Variants in CTNNA2 observed in about 807,000 individuals in gnomAD.
CTNNA2 encodes the protein catenin alpha-2.
Under a neutral mutation model 101.0 loss-of-function variants are expected in CTNNA2, and 42 were observed. The observed-to-expected ratio is 0.42, with a 90% CI of 0.32 to 0.54. CTNNA2 has a LOEUF of 0.54. Among genes scored for constraint, CTNNA2 ranks in the 20% least tolerant of loss-of-function variants. The pLI is 0.14. For synonymous variants in CTNNA2, 450 were observed against 456.4 expected, an observed-to-expected ratio of 0.99 and a Z score of 0.18; for missense variants, 871 against 1,223.1, an observed-to-expected ratio of 0.71 and a Z score of 4.29.
chr2:79,497,768 G>A (rs1020130261), intron 4 of CTNNA2, among the ~76,000 whole-genome samples: 2 of 152,130 alleles, frequency 1.3e-5, no homozygotes, highest in Non-Finnish European at 2.9e-5. Context: ...TTTCGTCTAA[G>A]CAATGTCTCT....
chr2:80,167,182 C>T (rs529384087), intron 7 of CTNNA2, among the ~76,000 whole-genome samples: 7 of 152,186 alleles, frequency 4.6e-5, no homozygotes, highest in South Asian at 2.1e-4. Context: ...ACCAACCTAA[C>T]GCTGTATCTT....
At chr2:79,811,016 G>A (rs1045650340) in intron 3 of CTNNA2, among the ~76,000 whole-genome samples, 1 of 151,182 alleles carries the variant, frequency 6.6e-6, no homozygotes, top group African/African-American at 2.4e-5. Flanking sequence ...ATAGCAGCAT[G>A]ATTTATAATC....
In CTNNA2 at chr2:79,240,909, T is replaced by C. The variant is rs146148874; in HGVS notation, c.-406+42833T>C. 2.8e-3 allele frequency among the ~76,000 whole-genome samples: 426 copies of C among 152,286 alleles called. 2 individuals are homozygous for C. Among genetic ancestry groups the C allele is most frequent in the African/African-American group, 9.9e-3 (410 of 41,556 alleles). ...TTTATTTCTCCCCTGGTCATCTTCTTTGGGGACCCTGCCTCTGCTGTCCAC... is the reference window on the plus strand; with the variant it reads ...TTTATTTCTCCCCTGGTCATCTTCTCTGGGGACCCTGCCTCTGCTGTCCAC... On this transcript the variant is annotated intron_variant, in intron 2 of 21. Coordinates refer to the CTNNA2 transcript ENST00000466387.
chr2:79,232,387 C>T (rs548625709), intron 2 of CTNNA2, among the ~76,000 whole-genome samples: 13 of 152,136 alleles, frequency 8.5e-5, no homozygotes, highest in Admixed American at 2.6e-4. Context: ...TTGAACCAAC[C>T]TTGTATTCCT....
At chr2:80,590,621 A>G (rs750514351) in intron 15 of CTNNA2, among the ~76,000 whole-genome samples, 3 of 152,194 alleles carry the variant, frequency 2.0e-5, no homozygotes, top group Non-Finnish European at 4.4e-5. Context: ...ATAATTTAAT[A>G]TGGAACATCT....
At chr2:80,350,252 T>A (rs1673158773) in intron 7 of CTNNA2, among the ~76,000 whole-genome samples, 1 of 152,176 alleles carries the variant, frequency 6.6e-6, no homozygotes, top group South Asian at 2.1e-4. Context: ...ATGCCCATAG[T>A]GCCAACTGAG....
rs1260925583 is a variant in CTNNA2 at position 80,150,038 on chromosome 2, C to T, written c.1056+240241C>T. ...TCTTGTGCTGGTCATCCCCAGGCTC[C>T]AGAGGCCCTCTGCACATCTTCTCAG... is the stretch of plus-strand genomic sequence containing the variant. On this transcript the variant is annotated intron_variant, in intron 7 of 18. Transcript: ENST00000402739. 2.0e-5 allele frequency among the ~76,000 whole-genome samples: 3 copies of T among 152,178 alleles called. No homozygotes were observed. In the East Asian group the frequency reaches 5.8e-4, roughly 29 times the overall value.
intron 7 of CTNNA2, among the ~76,000 whole-genome samples, chr2:80,182,262 T>C (rs1279305995): frequency 6.6e-6 from 1 of 152,126 alleles, no homozygotes. Flanking sequence ...CTGAAGAACT[T>C]GGAGTCCAAT....
chr2:80,265,977 G>A (rs559785021), intron 7 of CTNNA2, among the ~76,000 whole-genome samples: 11 of 152,190 alleles, frequency 7.2e-5, no homozygotes, highest in East Asian at 5.8e-4. Context: ...TTAAACTGTC[G>A]GCAGAGTTTC....
chr2:80,502,833 G>A (rs1433116885), intron 9 of CTNNA2, among the ~76,000 whole-genome samples: 6 of 152,244 alleles, frequency 3.9e-5, no homozygotes, highest in Admixed American at 6.5e-5. Context: ...CCTTCTTCCC[G>A]AGTCATTCAT....
intron 3 of CTNNA2, among the ~76,000 whole-genome samples, chr2:79,315,150 T>C (rs776183331): frequency 6.6e-6 from 1 of 152,106 alleles, no homozygotes; most frequent in African/African-American, 2.4e-5. Context: ...CCTTCAATGG[T>C]GATTATGATT....
At chr2:79,580,254 A>G (rs960416300) in intron 1 of CTNNA2, among the ~76,000 whole-genome samples, 1 of 152,116 alleles carries the variant, frequency 6.6e-6, no homozygotes, top group African/African-American at 2.4e-5. Flanking sequence ...ACCTTTCCTT[A>G]TTGTGGTCAG....
chr2:79,312,787 C>T (rs978447857), exon 3 of CTNNA2: 1 of 152,166 alleles, frequency 6.6e-6, no homozygotes, highest in African/African-American at 2.4e-5. Context: ...ACAGCAATCT[C>T]ATCAAAAAGG....
intron 3 of CTNNA2, among the ~76,000 whole-genome samples, chr2:79,810,417 C>T (rs74763947): frequency 0.14 from 21,618 of 151,962 alleles, 1,586 homozygotes; most frequent in Admixed American, 0.19. Flanking sequence ...TCATTTATCT[C>T]CCCCTGGGTC....
At chr2:80,417,853 T>G (rs1380729463) in intron 8 of CTNNA2, among the ~76,000 whole-genome samples, 1 of 152,184 alleles carries the variant, frequency 6.6e-6, no homozygotes, top group Non-Finnish European at 1.5e-5. Context: ...TAATTTTAAG[T>G]TGCTCATTTT....
rs183379536 is a variant in CTNNA2, at chr2:80,560,383, A to T, written c.1741+4490A>T. Reference sequence around the variant, plus strand: ...AAGGTTAGGATTCAGAAGAACTGTTATTTGACTGCTACCAACTAACTGTGA... The same window carrying T: ...AAGGTTAGGATTCAGAAGAACTGTTTTTTGACTGCTACCAACTAACTGTGA... On this transcript the variant is annotated intron_variant, in intron 12 of 18. Transcript: ENST00000402739. 6.6e-5 allele frequency among the ~76,000 whole-genome samples: 10 copies of T among 152,172 alleles called. No individual in the cohort carries two copies. The South Asian group carries it at 1.0e-3, about 16-fold the overall frequency.
chr2:79,494,692 A>T (rs1401202253), intron 4 of CTNNA2, among the ~76,000 whole-genome samples: 1 of 152,224 alleles, frequency 6.6e-6, no homozygotes, highest in African/African-American at 2.4e-5. Flanking sequence ...AGCTAAAATT[A>T]TAAAGTTATT....
At chr2:79,874,840 A>C (rs898051849) in intron 6 of CTNNA2, among the ~76,000 whole-genome samples, 2 of 152,176 alleles carry the variant, frequency 1.3e-5, no homozygotes, top group Non-Finnish European at 2.9e-5. Context: ...TGTATTTAAG[A>C]GTGCCCAATC....
chr2:80,045,018 T>C (rs1423264076), intron 7 of CTNNA2, among the ~76,000 whole-genome samples: 3 of 152,218 alleles, frequency 2.0e-5, no homozygotes, highest in South Asian at 4.1e-4. Context: ...GAGGGTTTAT[T>C]TGGCGGCTGA....
Sources: allele counts gnomAD v4.1 joint callset (sites outside exome capture counted in the v4.1 genomes callset), GRCh38; gene constraint gnomAD v4.1.1; transcripts MANE v1.5; gene names NCBI Gene and HGNC (gene_info 2026-07-23, HGNC 2026-07-21).